Variants in VOPP1 observed in about 807,000 individuals in gnomAD.
VOPP1 encodes the protein WW domain binding protein VOPP1.
Under a neutral mutation model 23.5 loss-of-function variants are expected in VOPP1, and 8 were observed. The ratio of observed to expected loss-of-function variants is 0.34; its 90% CI spans 0.20 to 0.61. VOPP1 has a LOEUF of 0.61. Among genes scored for constraint, VOPP1 ranks in the 20% least tolerant of loss-of-function variants. The pLI is 0.78. For synonymous variants in VOPP1, 83 were observed against 97.3 expected (o/e 0.85, Z 0.86); for missense variants, 174 against 238.1 (o/e 0.73, Z 1.77).
chr7:55,557,564 C>T (rs1412497553), intron 1 of VOPP1, among the ~76,000 whole-genome samples: 1 of 152,050 alleles, frequency 6.6e-6, no homozygotes, highest in Non-Finnish European at 1.5e-5. Flanking sequence ...CTGAAAATTC[C>T]GATTCTTCAG....
chr7:55,502,273 C>A (rs1488352917), intron 2 of VOPP1, among the ~76,000 whole-genome samples: 1 of 152,350 alleles, frequency 6.6e-6, no homozygotes, highest in South Asian at 2.1e-4. Context: ...TGGAGTATAA[C>A]GGATTACAAG....
intron 2 of VOPP1, among the ~76,000 whole-genome samples, chr7:55,512,524 C>A (rs6957632): frequency 0.34 from 52,371 of 152,094 alleles, 9,478 homozygotes; most frequent in African/African-American, 0.46. Flanking sequence ...GTTATAGAGA[C>A]GGTGTCTTCA....
At chr7:55,549,469 A>G (rs549908582) in intron 1 of VOPP1, among the ~76,000 whole-genome samples, 1 of 152,308 alleles carries the variant, frequency 6.6e-6, no homozygotes, top group Admixed American at 6.5e-5. Context: ...AACCTGAAAC[A>G]CTGCTTCTGC....
chr7:55,475,558 T>C (rs969071521), intron 4 of VOPP1, among the ~76,000 whole-genome samples: 3 of 152,184 alleles, frequency 2.0e-5, no homozygotes, highest in Non-Finnish European at 2.9e-5. Context: ...ACAGGCCCAC[T>C]GGTGCAGGAT....
At chr7:55,525,335 A>C (rs1447002045) in intron 1 of VOPP1, among the ~76,000 whole-genome samples, 1 of 151,958 alleles carries the variant, frequency 6.6e-6, no homozygotes, top group Non-Finnish European at 1.5e-5. Context: ...AAAAGTACAA[A>C]AAAATTAGCC....
chr7:55,535,384 G>A (rs1306420632), intron 1 of VOPP1, among the ~76,000 whole-genome samples: 1 of 152,206 alleles, frequency 6.6e-6, no homozygotes, highest in African/African-American at 2.4e-5. Context: ...TGAGCTCAGA[G>A]GGCACTGGGG....
chr7:55,518,123 C>T (rs1380721284), intron 2 of VOPP1, among the ~76,000 whole-genome samples: 11 of 152,158 alleles, frequency 7.2e-5, no homozygotes, highest in Admixed American at 6.5e-4. Flanking sequence ...TCTGCACTGG[C>T]CGTGTGCAAG....
At chr7:55,508,467 C>T (rs956946480) in intron 2 of VOPP1, among the ~76,000 whole-genome samples, 1 of 152,164 alleles carries the variant, frequency 6.6e-6, no homozygotes, top group Non-Finnish European at 1.5e-5. Context: ...TGAGGTTTCA[C>T]TATGTTGCCA....
At chr7:55,497,335 C>T (rs914257275) in intron 3 of VOPP1, among the ~76,000 whole-genome samples, 1 of 152,228 alleles carries the variant, frequency 6.6e-6, no homozygotes, top group Admixed American at 6.5e-5. Flanking sequence ...GGCCGAGGAG[C>T]TGCTGAAGGA....
rs1341299121 is a variant in VOPP1, at chr7:55,538,614, T to C, written c.55-17484A>G. 2.0e-6 allele frequency: 3 copies of C among 1,535,888 alleles called. No individual in the cohort carries two copies. The South Asian group carries it at 3.6e-5, about 18-fold the overall frequency. On this transcript the variant is annotated intron_variant, in intron 1 of 4. Transcript: ENST00000285279. ...ACATAATAATCCATCTATACAAACCTGCAAGAGCACAGAAGACAGATACCC... is the reference window on the plus strand; with the variant it reads ...ACATAATAATCCATCTATACAAACCCGCAAGAGCACAGAAGACAGATACCC...
chr7:55,545,878 G>A (rs1358254961), intron 1 of VOPP1, among the ~76,000 whole-genome samples: 9 of 151,674 alleles, frequency 5.9e-5, no homozygotes, highest in Non-Finnish European at 1.2e-4. Flanking sequence ...AGACCAGCCC[G>A]GGCCACACAG....
At chr7:55,464,114 T>A (rs1010988056) in intron 4 of VOPP1, among the ~76,000 whole-genome samples, 3 of 151,940 alleles carry the variant, frequency 2.0e-5, no homozygotes, top group Admixed American at 6.6e-5. Flanking sequence ...GGCCCTCAGA[T>A]GGTATGTCTG....
At chr7:55,488,539 A>G (rs1320031032) in intron 4 of VOPP1, among the ~76,000 whole-genome samples, 1 of 152,014 alleles carries the variant, frequency 6.6e-6, no homozygotes, top group Non-Finnish European at 1.5e-5. Flanking sequence ...CAGGACCACA[A>G]TGCTGCCAAT....
intron 2 of VOPP1, among the ~76,000 whole-genome samples, chr7:55,499,457 A>G (rs964424910): frequency 6.6e-6 from 1 of 152,184 alleles, no homozygotes; most frequent in African/African-American, 2.4e-5. Flanking sequence ...GGCTACTAGG[A>G]GCCTGCTCTG....
chr7:55,490,604 G>A (rs1793496480), intron 4 of VOPP1, among the ~76,000 whole-genome samples: 1 of 152,134 alleles, frequency 6.6e-6, no homozygotes, highest in South Asian at 2.1e-4. Context: ...AGTGGGGCAG[G>A]GGCTGCTCCT....
At chr7:55,465,675 T>C (rs928448711), downstream of VOPP1, among the ~76,000 whole-genome samples, 10 of 152,198 alleles carry the variant, frequency 6.6e-5, no homozygotes, top group Non-Finnish European at 1.3e-4. Context: ...GTATAAACAA[T>C]AGGTAGTATA....
chr7:55,551,541 C>G (rs1405769802), intron 1 of VOPP1, among the ~76,000 whole-genome samples: 1 of 152,128 alleles, frequency 6.6e-6, no homozygotes, highest in Non-Finnish European at 1.5e-5. Context: ...TGTCAATAAG[C>G]TCTGGTCTAG....
intron 1 of VOPP1, among the ~76,000 whole-genome samples, chr7:55,559,834 A>C (rs1797925326): frequency 6.6e-6 from 1 of 152,084 alleles, no homozygotes; most frequent in Admixed American, 6.5e-5. Flanking sequence ...CCACAGAAGA[A>C]CCTCAGAACG....
intron 3 of VOPP1, 60 bp downstream of exon 3, chr7:55,497,553 A>ACG: frequency 4.3e-6 from 4 of 936,780 alleles, no homozygotes; most frequent in Non-Finnish European, 5.7e-6. Flanking sequence ...GACAACACTG[A>ACG]TGGGGGGGGG....
Sources: allele counts gnomAD v4.1 joint callset (sites outside exome capture counted in the v4.1 genomes callset), GRCh38; gene constraint gnomAD v4.1.1; transcripts MANE v1.5; gene names NCBI Gene and HGNC (gene_info 2026-07-23, HGNC 2026-07-21).